PPARGC1A: variants seen among roughly 807,000 people sequenced by gnomAD.
PPARGC1A encodes the protein PPARG coactivator 1 alpha.
In PPARGC1A, 25 loss-of-function variants were observed where a neutral mutation model predicts 88.7. The ratio of observed to expected loss-of-function variants is 0.28; its 90% CI spans 0.21 to 0.39. PPARGC1A has a LOEUF of 0.39. Among genes scored for constraint, PPARGC1A ranks in the 10% least tolerant of loss-of-function variants. The probability of loss-of-function intolerance (pLI) is 1.00; values close to 1 mark genes in which losing one functional copy is unlikely to be tolerated. For missense variants in PPARGC1A, 880 were observed against 968.7 expected, an observed-to-expected ratio of 0.91 and a Z score of 1.22; for synonymous variants, 363 against 355.6, an observed-to-expected ratio of 1.02 and a Z score of -0.24.
chr4:24,448,434 C>CAG, the PPARGC1A span, among the ~76,000 whole-genome samples: 3 of 152,328 alleles, frequency 2.0e-5, no homozygotes, highest in African/African-American at 7.2e-5. Context: ...GTTCTTGTTA[C>CAG]AGCCCATCTT....
chr4:23,965,999 G>A, the PPARGC1A span, among the ~76,000 whole-genome samples: 1 of 152,024 alleles, frequency 6.6e-6, no homozygotes, highest in Non-Finnish European at 1.5e-5. Flanking sequence ...ACAGGCACCT[G>A]AGAGGAAATT....
chr4:24,096,919 C>T, the PPARGC1A span, among the ~76,000 whole-genome samples: 15 of 152,202 alleles, frequency 9.9e-5, no homozygotes, highest in East Asian at 9.7e-4. Flanking sequence ...GGATAAATTC[C>T]TTTAGCTTAT....
chr4:24,317,803 C>A, the PPARGC1A span, among the ~76,000 whole-genome samples: 1 of 152,184 alleles, frequency 6.6e-6, no homozygotes, highest in Non-Finnish European at 1.5e-5. Flanking sequence ...CATTTCAAAG[C>A]ACCTACCAAG....
At chr4:24,220,877 A>G in the PPARGC1A span, among the ~76,000 whole-genome samples, 1 of 152,220 alleles carries the variant, frequency 6.6e-6, no homozygotes, top group South Asian at 2.1e-4. Flanking sequence ...TAAAAAAAGA[A>G]AAGGAAAAGT....
chr4:24,105,350 G>T, the PPARGC1A span, among the ~76,000 whole-genome samples: 107 of 152,270 alleles, frequency 7.0e-4, no homozygotes, highest in East Asian at 0.019. Flanking sequence ...TGACTTGGCA[G>T]CTCATCACAC....
chr4:23,821,914 C>T (rs986572881), intron 7 of PPARGC1A, among the ~76,000 whole-genome samples: 31 of 152,142 alleles, frequency 2.0e-4, no homozygotes, highest in African/African-American at 7.0e-4. Flanking sequence ...TTTAAAATCA[C>T]GATATACTAC....
rs866558679 is a variant in PPARGC1A, at chr4:23,819,044, G to A, written c.878-4439C>T. On this transcript the variant is annotated intron_variant, in intron 7 of 12. Coordinates refer to ENST00000264867, the MANE Select transcript of PPARGC1A (RefSeq NM_013261.5). ...CACCAAAATAGGAAGACTGAGCAAA[G>A]AGAGGTGTGTGACTTGTCCTACTCA... Among the ~76,000 whole-genome samples, 7 of 152,104 alleles carry A rather than the reference G, an allele frequency of 4.6e-5. No homozygotes were observed. In the Middle Eastern group the frequency reaches 0.017, roughly 370 times the overall value.
chr4:23,983,343 C>T, the PPARGC1A span, among the ~76,000 whole-genome samples: 4 of 152,098 alleles, frequency 2.6e-5, no homozygotes, highest in Non-Finnish European at 4.4e-5. Context: ...TGAAGGACAT[C>T]GTGAGACAAA....
At chr4:24,367,676 A>G in the PPARGC1A span, among the ~76,000 whole-genome samples, 2 of 152,214 alleles carry the variant, frequency 1.3e-5, no homozygotes, top group African/African-American at 4.8e-5. Context: ...GTTAATTTCT[A>G]TAAACATTCT....
chr4:24,248,578 C>T, the PPARGC1A span, among the ~76,000 whole-genome samples: 1 of 152,154 alleles, frequency 6.6e-6, no homozygotes, highest in Non-Finnish European at 1.5e-5. Flanking sequence ...ATACCCTCCC[C>T]CAGCGACCAT....
chr4:23,925,041 C>T, the PPARGC1A span, among the ~76,000 whole-genome samples: 1 of 152,168 alleles, frequency 6.6e-6, no homozygotes, highest in Non-Finnish European at 1.5e-5. Flanking sequence ...CTTCAAGTGT[C>T]CTCAGAAGAA....
At chr4:23,959,592 C>A in the PPARGC1A span, among the ~76,000 whole-genome samples, 1 of 152,192 alleles carries the variant, frequency 6.6e-6, no homozygotes, top group Non-Finnish European at 1.5e-5. Context: ...GCCTGCCTTC[C>A]TCTTGGCAAC....
At chr4:23,821,047 T>G (rs1405033109) in intron 7 of PPARGC1A, among the ~76,000 whole-genome samples, 1 of 152,004 alleles carries the variant, frequency 6.6e-6, no homozygotes, top group African/African-American at 2.4e-5. Context: ...ATCATGACAT[T>G]CCCCATGAGC....
chr4:24,449,779 G>T, the PPARGC1A span, among the ~76,000 whole-genome samples: 665 of 152,246 alleles, frequency 4.4e-3, 5 homozygotes, highest in African/African-American at 0.015. Context: ...AAATACCTAA[G>T]TAATCTGCAT....
chr4:24,028,349 A>T, the PPARGC1A span, among the ~76,000 whole-genome samples: 1 of 152,214 alleles, frequency 6.6e-6, no homozygotes, highest in Non-Finnish European at 1.5e-5. Flanking sequence ...CATCGAATCA[A>T]ATAATCTACC....
At chr4:24,431,598 A>T in the PPARGC1A span, among the ~76,000 whole-genome samples, 6 of 152,196 alleles carry the variant, frequency 3.9e-5, no homozygotes, top group East Asian at 9.6e-4. Flanking sequence ...AGAGAGAAGA[A>T]CCAGAAAGAC....
chr4:24,230,279 C>G, the PPARGC1A span, among the ~76,000 whole-genome samples: 1 of 152,164 alleles, frequency 6.6e-6, no homozygotes, highest in South Asian at 2.1e-4. Context: ...AAATCACTAA[C>G]CTGCCTGTGA....
the PPARGC1A span, among the ~76,000 whole-genome samples, chr4:24,292,260 C>G: frequency 1.3e-5 from 2 of 152,172 alleles, no homozygotes; most frequent in South Asian, 4.1e-4. Flanking sequence ...AGAACTCTCG[C>G]GGGTTGCTTC....
the PPARGC1A span, among the ~76,000 whole-genome samples, chr4:24,368,851 G>A: frequency 6.6e-5 from 10 of 152,172 alleles, no homozygotes; most frequent in Admixed American, 3.9e-4. Context: ...AGAGTGAACG[G>A]GAGGGAGATG....
Sources: allele counts gnomAD v4.1 joint callset (sites outside exome capture counted in the v4.1 genomes callset), GRCh38; gene constraint gnomAD v4.1.1; transcripts MANE v1.5; gene names NCBI Gene and HGNC (gene_info 2026-07-23, HGNC 2026-07-21).